The following STAG1 variants were observed in gnomAD, a reference collection of about 807,000 sequenced individuals.
STAG1 encodes the protein cohesin subunit SA-1.
A neutral mutation model predicts 170.9 loss-of-function variants in STAG1; 26 were observed. The observed-to-expected ratio is 0.15, with a 90% CI of 0.11 to 0.21. The LOEUF (loss-of-function observed/expected upper bound fraction) is 0.21, where lower values mean the gene tolerates loss of function less well. Among genes scored for constraint, STAG1 ranks in the 10% least tolerant of loss-of-function variants. The probability of loss-of-function intolerance (pLI) is 1.00; values close to 1 mark genes in which losing one functional copy is unlikely to be tolerated. For synonymous variants in STAG1, 514 were observed against 497.7 expected, an observed-to-expected ratio of 1.03 and a Z score of -0.44; for missense variants, 964 against 1,509.5, an observed-to-expected ratio of 0.64 and a Z score of 5.99.
Position 136,593,876 on chromosome 3 carries a change from T to C in STAG1, c.297+10433A>G, listed in dbSNP as rs1938302792. On this transcript the variant is annotated intron_variant, in intron 4 of 33. Transcript: ENST00000383202. ...CACAAAATTTTACTCCTTAACTTCA[T>C]TACAGTATTTCTGTCTTTCAATGTG... 5.3e-5 allele frequency among the ~76,000 whole-genome samples: 8 copies of C among 152,342 alleles called. No individual in the cohort carries two copies. In the South Asian group the frequency reaches 1.7e-3, roughly 32 times the overall value.
In STAG1 at chr3:136,369,389, A is replaced by C. The variant is rs1937204606; in HGVS notation, c.2371-107T>G. On this transcript the variant is annotated intron_variant, in intron 23 of 33. Coordinates refer to ENST00000383202, the MANE Select transcript of STAG1 (RefSeq NM_005862.3). ...AAACATAGTTTAATAGCAGTACCAT[A>C]ATATAAATTTTCAGTATTTAAATTC... 1.0e-5 allele frequency: 8 copies of C among 792,076 alleles called. No individual in the cohort carries two copies. In the East Asian group the frequency reaches 2.3e-4, roughly 23 times the overall value. 49.1% of individuals were successfully genotyped at this position (792,076 alleles called of 1,614,324 possible).
chr3:136,736,973 C>A, intron 1 of STAG1: 1 of 1,596,736 alleles, frequency 6.3e-7, no homozygotes. Context: ...GCTCTGTCAG[C>A]ATCATCTTGA....
chr3:136,565,853 G>T (rs777670678), intron 5 of STAG1, among the ~76,000 whole-genome samples: 2 of 152,112 alleles, frequency 1.3e-5, no homozygotes, highest in Non-Finnish European at 2.9e-5. Flanking sequence ...AGCCCTAAAC[G>T]AAATGAACTA....
At chr3:136,639,834 C>T (rs1346062822) in intron 1 of STAG1, among the ~76,000 whole-genome samples, 3 of 152,130 alleles carry the variant, frequency 2.0e-5, no homozygotes, top group African/African-American at 7.2e-5. Flanking sequence ...GTAAAGAAAG[C>T]ATCACTGAAG....
intron 22 of STAG1, among the ~76,000 whole-genome samples, chr3:136,397,198 C>T (rs2087188947): frequency 1.3e-5 from 2 of 152,112 alleles, no homozygotes. Context: ...ATGTTCAGGC[C>T]TCTCATTACA....
intron 4 of STAG1, among the ~76,000 whole-genome samples, chr3:136,586,253 C>CAT (rs201584473): frequency 5.8e-5 from 8 of 137,774 alleles, no homozygotes; most frequent in Middle Eastern, 7.8e-3. Flanking sequence ...TATACATATA[C>CAT]ATATACACAC....
intron 4 of STAG1, among the ~76,000 whole-genome samples, chr3:136,582,936 TAAG>T (rs1937624216): frequency 1.3e-5 from 2 of 152,312 alleles, no homozygotes; most frequent in South Asian, 4.1e-4. Flanking sequence ...AAAAAAAGGT[TAAG>T]AAGAGAAATT....
At chr3:136,548,653 T>G (rs1350046398) in intron 5 of STAG1, among the ~76,000 whole-genome samples, 1 of 152,216 alleles carries the variant, frequency 6.6e-6, no homozygotes, top group African/African-American at 2.4e-5. Flanking sequence ...GTCTTCCAAT[T>G]CATGGATGTC....
intron 23 of STAG1, among the ~76,000 whole-genome samples, chr3:136,374,510 G>T (rs965252250): frequency 6.6e-6 from 1 of 151,990 alleles, no homozygotes; most frequent in Admixed American, 6.6e-5. Context: ...CCAGCTACTA[G>T]GGAGGCTGAG....
chr3:136,528,925 G>C (rs746643340), intron 6 of STAG1, among the ~76,000 whole-genome samples: 1 of 151,074 alleles, frequency 6.6e-6, no homozygotes, highest in Non-Finnish European at 1.5e-5. Context: ...GCAAGACCCT[G>C]ACTGAAAAAG....
chr3:136,442,484 AT>A (rs1278705396), intron 15 of STAG1, among the ~76,000 whole-genome samples: 1 of 152,210 alleles, frequency 6.6e-6, no homozygotes, highest in Non-Finnish European at 1.5e-5. Flanking sequence ...ATATAAAAAG[AT>A]GCATACTTCA....
intron 13 of STAG1, among the ~76,000 whole-genome samples, chr3:136,455,721 A>G (rs1354463879): frequency 6.6e-6 from 1 of 152,228 alleles, no homozygotes; most frequent in Non-Finnish European, 1.5e-5. Context: ...GCGAAGGATC[A>G]AATCCCTAGA....
intron 1 of STAG1, among the ~76,000 whole-genome samples, chr3:136,675,941 AGAAT>A (rs1942116371): frequency 6.6e-6 from 1 of 152,262 alleles, no homozygotes; most frequent in South Asian, 2.1e-4. Flanking sequence ...CAAACATTGT[AGAAT>A]GTACTTACAC....
chr3:136,723,078 A>C (rs958826042), intron 1 of STAG1, among the ~76,000 whole-genome samples: 2 of 152,204 alleles, frequency 1.3e-5, no homozygotes, highest in Non-Finnish European at 2.9e-5. Context: ...TTGGCCTCCC[A>C]AAGTGCCGAG....
chr3:136,731,646 T>C (rs1934048233), intron 1 of STAG1, among the ~76,000 whole-genome samples: 1 of 152,230 alleles, frequency 6.6e-6, no homozygotes, highest in African/African-American at 2.4e-5. Flanking sequence ...CTTGTGTACT[T>C]CGGGAAAACA....
At chr3:136,699,547 A>AT (rs1193045896) in intron 1 of STAG1, among the ~76,000 whole-genome samples, 4 of 151,526 alleles carry the variant, frequency 2.6e-5, no homozygotes, top group Non-Finnish European at 4.4e-5. Flanking sequence ...ACCACGTCTA[A>AT]TTTATTTTTT....
At chr3:136,738,394 C>T (rs752752257) in intron 1 of STAG1, among the ~76,000 whole-genome samples, 5 of 151,984 alleles carry the variant, frequency 3.3e-5, no homozygotes, top group Non-Finnish European at 7.4e-5. Context: ...AGGAGGCTGA[C>T]GAAGTAGAAA....
At chr3:136,383,181 G>C (rs936375370) in intron 22 of STAG1, among the ~76,000 whole-genome samples, 1 of 152,132 alleles carries the variant, frequency 6.6e-6, no homozygotes, top group African/African-American at 2.4e-5. Flanking sequence ...ATTAGTTCAG[G>C]ATTTGCCAAT....
At chr3:136,656,468 T>C (rs1414830332) in intron 1 of STAG1, among the ~76,000 whole-genome samples, 2 of 151,424 alleles carry the variant, frequency 1.3e-5, no homozygotes, top group Non-Finnish European at 2.9e-5. Context: ...TTTCCCAACA[T>C]TAGCGGTGGG....
Sources: gnomAD v4.1 joint callset for allele counts (sites outside exome capture counted in the v4.1 genomes callset) on GRCh38, gnomAD v4.1.1 for gene constraint, MANE v1.5 for transcripts, NCBI Gene and HGNC (gene_info 2026-07-23, HGNC 2026-07-21) for gene names.